RNF14: variants seen among roughly 807,000 people sequenced by gnomAD.
RNF14 encodes ring finger protein 14, also known as E3 ubiquitin-protein ligase RNF14.
RNF14 carries 26 observed loss-of-function variants against 52.6 expected under a neutral mutation model. That is an observed-to-expected ratio of 0.49 (90% CI 0.36 to 0.69). The LOEUF (loss-of-function observed/expected upper bound fraction) is 0.69, where lower values mean the gene tolerates loss of function less well. RNF14 is among the 30% of genes least tolerant of loss of function. The pLI is 0.00. For missense variants in RNF14, 404 were observed against 560.4 expected, an observed-to-expected ratio of 0.72 and a Z score of 2.82; for synonymous variants, 194 against 202.0, an observed-to-expected ratio of 0.96 and a Z score of 0.34.
rs201236187 is a variant in RNF14, at chr5:141,980,161, T to C, written c.873T>C (p.Tyr291=). The C allele has an allele frequency of 6.8e-6, 11 of 1,614,248 alleles. No homozygotes were observed. The highest frequency in any genetic ancestry group is 3.3e-5 in the Admixed American group (2 of 60,028). Residue 291 remains tyrosine (Y), a synonymous_variant, in exon 6 of 9, where the codon TAT becomes TAC. Transcript: ENST00000394520. ...TGGAAGCAGAGTTATTTGCCCGTTATGACCGCCTTCTCCTCCAGTCCTCCT... is the reference window on the plus strand; with the variant it reads ...TGGAAGCAGAGTTATTTGCCCGTTACGACCGCCTTCTCCTCCAGTCCTCCT... ...ELVEAELFAR[Y]DRLLLQSSLD...
At chr5:141,962,280 A>G (rs1447338595), upstream of RNF14, among the ~76,000 whole-genome samples, 1 of 152,206 alleles carries the variant, frequency 6.6e-6, no homozygotes, top group African/African-American at 2.4e-5. Flanking sequence ...TTTGCCAAGA[A>G]ATAGGACCTT....
chr5:141,956,918 A>G, upstream of RNF14: 1 of 1,614,122 alleles, frequency 6.2e-7, no homozygotes, highest in Non-Finnish European at 8.5e-7. Flanking sequence ...TTCTTTTCAT[A>G]GTCTAGAGGT....
rs1435906846 is a variant in RNF14, at chr5:141,987,870, T to C, written c.*80T>C. The C allele has an allele frequency of 3.1e-6, 4 of 1,307,850 alleles. No homozygotes were observed. Among genetic ancestry groups the C allele is most frequent in the African/African-American group, 1.5e-5 (1 of 68,732 alleles). 81.0% of individuals were successfully genotyped at this position (1,307,850 alleles called of 1,614,324 possible). On this transcript the variant is annotated 3_prime_UTR_variant, in exon 9 of 9. Transcript: ENST00000394520. ...GTACACAAAGTAACTTTGCGGGATA[T>C]TTAGGGTACTATTCATTCACTCTTC...
chr5:141,974,894 A>G lies in RNF14; in HGVS notation c.245A>G (p.Asp82Gly), dbSNP rs767343080. ...PLVLNFELPP[D>G]YPSSSPPSFT... ...GTGCTGAACTTTGAACTGCCACCAG[A>G]TTATCCATCCTCTTCCCCACCTTCA... is the stretch of plus-strand genomic sequence containing the variant. The change falls in exon 4 of 9, where the codon GAT (aspartate) becomes GGT (glycine). Residue 82 changes from aspartate (D) to glycine (G), a missense_variant. By Grantham distance (94) the Asp-to-Gly change is moderately conservative (BLOSUM62 -1). Transcript: ENST00000394520. 1 of 1,614,094 alleles carries G rather than the reference A, an allele frequency of 6.2e-7. No homozygotes were observed. Among genetic ancestry groups the G allele is most frequent in the Non-Finnish European group, 8.5e-7 (1 of 1,179,966 alleles).
At chr5:141,954,964 C>T, upstream of RNF14, 6 of 1,604,822 alleles carry the variant, frequency 3.7e-6, no homozygotes, top group Non-Finnish European at 5.1e-6. Flanking sequence ...TGCCCATGCC[C>T]CAGGTACCTG....
chr5:141,954,335 A>G (rs1004389010), upstream of RNF14, among the ~76,000 whole-genome samples: 1 of 152,214 alleles, frequency 6.6e-6, no homozygotes, highest in Non-Finnish European at 1.5e-5. Context: ...GGCCTTCTTC[A>G]TAGGGAAGTT....
chr5:141,973,664 A>G lies in RNF14; in HGVS notation c.76A>G (p.Arg26Gly). The G allele has an allele frequency of 6.2e-7, 1 of 1,614,014 alleles. No individual in the cohort carries two copies. Among genetic ancestry groups the G allele is most frequent in the Non-Finnish European group, 8.5e-7 (1 of 1,179,916 alleles). Residue 26 changes from arginine to glycine, a missense_variant, in exon 3 of 9, where the codon AGA (arginine) becomes GGA (glycine). Arg to Gly is a moderately radical substitution (Grantham distance 125, BLOSUM62 -2). Transcript: ENST00000394520. ...AAGTATTTACGATGGAGATGAATTT[A>G]GAAAAGCAGAGTCTGTCCAAGGTGG... is the stretch of plus-strand genomic sequence containing the variant. ...LASIYDGDEF[R>G]KAESVQGGET... is the part of the protein sequence containing the mutation.
chr5:141,978,982 G>C, intron 5 of RNF14, 152 bp downstream of exon 5: 1 of 784,292 alleles, frequency 1.3e-6, no homozygotes, highest in Non-Finnish European at 2.0e-6. Context: ...AAAATGCTAT[G>C]GTCTTAGTCT....
chr5:141,955,042 C>G, upstream of RNF14: 1 of 1,614,222 alleles, frequency 6.2e-7, no homozygotes, highest in Non-Finnish European at 8.5e-7. The surrounding 1 kb of genome is among the most constrained non-coding windows in gnomAD (Gnocchi z 5.5). Context: ...CACAGACAGC[C>G]GGACCAGGCT....
chr5:141,954,980 G>A, upstream of RNF14: 1 of 1,611,700 alleles, frequency 6.2e-7, no homozygotes, highest in Non-Finnish European at 8.5e-7. Context: ...ACCTGAACAG[G>A]AGGAGAATCC....
At chr5:141,955,983 T>C (rs1163310208), upstream of RNF14, 28 of 1,614,074 alleles carry the variant, frequency 1.7e-5, no homozygotes, top group Non-Finnish European at 2.2e-5. The surrounding 1 kb of genome is among the most constrained non-coding windows in gnomAD (Gnocchi z 5.5). Context: ...CTGCATCTCT[T>C]GCCACAATGG....
At chr5:141,983,282 T>G in intron 6 of RNF14, 98 bp from the exon 7 acceptor site, 1 of 952,332 alleles carries the variant, frequency 1.1e-6, no homozygotes, top group South Asian at 1.6e-5. Context: ...GTTCTAGGAA[T>G]AACATTATTG....
At chr5:141,957,675 C>A (rs1314027040), upstream of RNF14, 9 of 1,614,084 alleles carry the variant, frequency 5.6e-6, no homozygotes, top group Non-Finnish European at 6.8e-6. The surrounding 1 kb of genome is among the most constrained non-coding windows in gnomAD (Gnocchi z 4.3). Flanking sequence ...CAGCTTGCCT[C>A]CGCCTCTCCT....
At chr5:141,970,411 ATTGT>A (rs908481084) in intron 1 of RNF14, among the ~76,000 whole-genome samples, 12 of 152,122 alleles carry the variant, frequency 7.9e-5, no homozygotes, top group African/African-American at 2.2e-4. Context: ...AACTGAAGAG[ATTGT>A]TTGTTATGGG....
chr5:141,954,797 G>A (rs1753145963), upstream of RNF14, among the ~76,000 whole-genome samples: 1 of 152,214 alleles, frequency 6.6e-6, no homozygotes, highest in African/African-American at 2.4e-5. Context: ...GGATCACACA[G>A]CTAAGTTCAG....
intron 5 of RNF14, among the ~76,000 whole-genome samples, chr5:141,979,752 A>G (rs1754598957): frequency 6.6e-6 from 1 of 152,084 alleles, no homozygotes; most frequent in Admixed American, 6.5e-5. Context: ...AAAATCAGGC[A>G]TGATGGCAAG....
intron 1 of RNF14, among the ~76,000 whole-genome samples, chr5:141,959,412 G>A (rs1427995251): frequency 1.3e-5 from 2 of 152,094 alleles, no homozygotes; most frequent in Non-Finnish European, 2.9e-5. Flanking sequence ...TGGCCTTATT[G>A]CTTCTTATTG....
At chr5:141,964,833 G>A (rs1292430638), upstream of RNF14, among the ~76,000 whole-genome samples, 3 of 148,772 alleles carry the variant, frequency 2.0e-5, no homozygotes, top group African/African-American at 7.5e-5. Flanking sequence ...CACCACATTG[G>A]CCAGGCTGGT....
At chr5:141,957,668 C>T (rs772840345), upstream of RNF14, 1 of 1,614,228 alleles carries the variant, frequency 6.2e-7, no homozygotes, top group Non-Finnish European at 8.5e-7. The surrounding 1 kb of genome is among the most constrained non-coding windows in gnomAD (Gnocchi z 4.3). Context: ...GCAGCCCCAG[C>T]TTGCCTCCGC....
Sources: gnomAD v4.1 joint callset for allele counts (sites outside exome capture counted in the v4.1 genomes callset) on GRCh38, gnomAD v4.1.1 for gene constraint, Gnocchi (gnomAD v3.1) non-coding constraint, MANE v1.5 for transcripts, NCBI Gene and HGNC (gene_info 2026-07-23, HGNC 2026-07-21) for gene names.